The following NFIA variants were observed in gnomAD, a reference collection of about 807,000 sequenced individuals.
The protein encoded by NFIA is nuclear factor 1 A-type.
In NFIA, 8 loss-of-function variants were observed where a neutral mutation model predicts 62.8. The ratio of observed to expected loss-of-function variants is 0.13; its 90% CI spans 0.07 to 0.23. The LOEUF is 0.23. Among genes scored for constraint, NFIA ranks in the 10% least tolerant of loss-of-function variants. The pLI is 1.00. For missense variants in NFIA, 410 were observed against 642.1 expected (o/e 0.64, Z 3.91); for synonymous variants, 235 against 238.1 (o/e 0.99, Z 0.12).
intron 9 of NFIA, among the ~76,000 whole-genome samples, chr1:61,423,466 T>C (rs988724982): frequency 7.9e-5 from 12 of 152,120 alleles, no homozygotes; most frequent in African/African-American, 2.9e-4. Context: ...ATTTTCTGGA[T>C]TTTATTATTT....
chr1:61,416,994 G>A (rs549534277), intron 9 of NFIA, among the ~76,000 whole-genome samples: 1 of 151,856 alleles, frequency 6.6e-6, no homozygotes, highest in Admixed American at 6.6e-5. Context: ...AACCAAAGCA[G>A]GAAAAAGATT....
Position 61,458,017 on chromosome 1 carries a change from A to C in NFIA, c.*2697A>C, listed in dbSNP as rs1668380208. 6.6e-6 allele frequency: 1 copy of C among 152,154 alleles called. No homozygotes were observed. The highest frequency in any genetic ancestry group is 1.5e-5 in the Non-Finnish European group (1 of 68,042). The allele number at this position is 152,154 out of a possible 1,614,324, so 9.4% of individuals were successfully genotyped here. A position where few individuals can be genotyped will look rare whatever the true frequency, so the allele number is the denominator to read the frequency against. ...CTATTTAAGGAAAAAAAAATAAAAT[A>C]AAACATTTTGGATTTTCATATGTGT... is the stretch of plus-strand genomic sequence containing the variant. On this transcript the variant is annotated 3_prime_UTR_variant, in exon 11 of 11. Transcript: ENST00000403491.
At chr1:61,144,451 G>A (rs945702830) in intron 2 of NFIA, among the ~76,000 whole-genome samples, 1 of 152,144 alleles carries the variant, frequency 6.6e-6, no homozygotes, top group African/African-American at 2.4e-5. Context: ...ACCTTATAAC[G>A]GCATTTAGTG....
chr1:61,092,900 C>T (rs1410272257), intron 2 of NFIA, among the ~76,000 whole-genome samples: 2 of 151,712 alleles, frequency 1.3e-5, no homozygotes, highest in Admixed American at 6.6e-5. Context: ...TGTGCATGTG[C>T]GTGCACATCC....
chr1:61,334,916 T>C (rs1661519730), intron 4 of NFIA, among the ~76,000 whole-genome samples: 1 of 152,080 alleles, frequency 6.6e-6, no homozygotes, highest in African/African-American at 2.4e-5. Context: ...AGCTTATCAG[T>C]TCCAAGTTTG....
intron 9 of NFIA, among the ~76,000 whole-genome samples, chr1:61,416,297 A>G (rs1666344776): frequency 6.6e-6 from 1 of 152,168 alleles, no homozygotes; most frequent in Non-Finnish European, 1.5e-5. Flanking sequence ...AATCTTGTTT[A>G]TACTAAAATG....
chr1:61,335,381 T>A (rs1314571619), intron 4 of NFIA, among the ~76,000 whole-genome samples: 1 of 152,176 alleles, frequency 6.6e-6, no homozygotes, highest in African/African-American at 2.4e-5. Context: ...CCTGAAAGGC[T>A]TAACACTCAA....
At chr1:61,314,722 TCTC>T (rs1439461273) in intron 3 of NFIA, among the ~76,000 whole-genome samples, 1 of 152,124 alleles carries the variant, frequency 6.6e-6, no homozygotes, top group Admixed American at 6.5e-5. Context: ...TGCACTTTCA[TCTC>T]CTCTCAAGCA....
intron 10 of NFIA, among the ~76,000 whole-genome samples, chr1:61,446,568 C>T (rs969711630): frequency 2.6e-4 from 40 of 152,072 alleles, no homozygotes; most frequent in Admixed American, 3.9e-4. Flanking sequence ...AGGGCTTGAG[C>T]GTGGAAGTGC....
At chr1:61,316,334 T>A (rs573955619) in intron 3 of NFIA, among the ~76,000 whole-genome samples, 4 of 152,134 alleles carry the variant, frequency 2.6e-5, no homozygotes, top group Admixed American at 6.5e-5. Context: ...TTACAGAGAA[T>A]ATAAGTCAGA....
At chr1:61,152,305 C>A (rs1648475518) in intron 2 of NFIA, among the ~76,000 whole-genome samples, 1 of 152,254 alleles carries the variant, frequency 6.6e-6, no homozygotes, top group Non-Finnish European at 1.5e-5. Context: ...GAGTCAAAAT[C>A]ATCATTCACT....
At chr1:61,444,915 A>G (rs1667739988) in intron 10 of NFIA, among the ~76,000 whole-genome samples, 1 of 152,234 alleles carries the variant, frequency 6.6e-6, no homozygotes, top group African/African-American at 2.4e-5. Flanking sequence ...AAGTGACAGT[A>G]GAGGTGTGGG....
intron 2 of NFIA, among the ~76,000 whole-genome samples, chr1:61,171,497 T>C (rs1649963247): frequency 6.6e-6 from 1 of 152,248 alleles, no homozygotes; most frequent in African/African-American, 2.4e-5. Flanking sequence ...ATAACTGTTA[T>C]CTATAATGCA....
intron 2 of NFIA, among the ~76,000 whole-genome samples, chr1:61,184,044 T>G (rs1220738851): frequency 7.2e-6 from 1 of 138,978 alleles, no homozygotes; most frequent in Non-Finnish European, 1.5e-5. Flanking sequence ...TGCCGAACTG[T>G]GAAATTGAGC....
intron 2 of NFIA, among the ~76,000 whole-genome samples, chr1:61,184,482 T>A (rs1034833442): frequency 6.6e-6 from 1 of 152,242 alleles, no homozygotes; most frequent in African/African-American, 2.4e-5. Context: ...TTTTAGTAGG[T>A]AAAAAGTCTC....
At chr1:61,388,573 TG>T (rs1664815157) in intron 7 of NFIA, among the ~76,000 whole-genome samples, 1 of 152,246 alleles carries the variant, frequency 6.6e-6, no homozygotes, top group Non-Finnish European at 1.5e-5. Flanking sequence ...AGATAGTGAA[TG>T]ATACTTTATT....
In NFIA at chr1:61,340,559, G is replaced by A. The variant is rs570770840; in HGVS notation, c.700+7973G>A. Among the ~76,000 whole-genome samples, 7 of 152,322 alleles carry A rather than the reference G, an allele frequency of 4.6e-5. No homozygotes were observed. The East Asian group carries it at 1.4e-3, about 29-fold the overall frequency. On this transcript the variant is annotated intron_variant, in intron 4 of 10. Coordinates refer to ENST00000403491, the MANE Select transcript of NFIA (RefSeq NM_001134673.4). ...GGAGTGTAATGAGGGTTAAGTGACAGATAGTCTAGTGTCTGCCACATAGTA... is the reference window on the plus strand; with the variant it reads ...GGAGTGTAATGAGGGTTAAGTGACAAATAGTCTAGTGTCTGCCACATAGTA...
At chr1:61,082,454 C>T (rs1294673152), upstream of NFIA, 11 of 1,047,930 alleles carry the variant, frequency 1.0e-5, no homozygotes, top group South Asian at 9.3e-5. Flanking sequence ...GCGCGGGCAG[C>T]TCGCGGGCAC....
At chr1:61,372,759 C>T (rs999405011) in intron 6 of NFIA, among the ~76,000 whole-genome samples, 1 of 152,026 alleles carries the variant, frequency 6.6e-6, no homozygotes, top group Non-Finnish European at 1.5e-5. Context: ...GTGGTTCATA[C>T]ATTTTGTTTT....
Sources: gnomAD v4.1 joint callset for allele counts (sites outside exome capture counted in the v4.1 genomes callset) on GRCh38, gnomAD v4.1.1 for gene constraint, MANE v1.5 for transcripts, NCBI Gene and HGNC (gene_info 2026-07-23, HGNC 2026-07-21) for gene names.